STX11: variants seen among roughly 807,000 people sequenced by gnomAD.
STX11 encodes the protein syntaxin-11.
Under a neutral mutation model 19.9 loss-of-function variants are expected in STX11, and 21 were observed. The observed-to-expected ratio is 1.06, with a 90% CI of 0.75 to 1.52. The LOEUF (loss-of-function observed/expected upper bound fraction) is 1.52. Ranked by LOEUF, STX11 falls within the 40% of genes most tolerant of loss-of-function variation. STX11 has a pLI of 0.00. For synonymous variants in STX11, 193 were observed against 174.4 expected (o/e 1.11, Z -0.84); for missense variants, 438 against 405.9 (o/e 1.08, Z -0.68).
rs1486261657 is a variant in STX11 at position 144,174,797 on chromosome 6, T to C, written c.-5-11826T>C. On this transcript the variant is annotated intron_variant, in intron 1 of 1. Coordinates refer to ENST00000367568, the MANE Select transcript of STX11 (RefSeq NM_003764.4). This position sits in a 1 kb window ranked among gnomAD's most constrained non-coding sequence, Gnocchi z 5.3. ...TCACCACGTCATGGAAATAATCTAA[T>C]TGGTTGATGTATTCATGGTTCTGAT... 6.6e-6 allele frequency among the ~76,000 whole-genome samples: 1 copy of C among 152,122 alleles called. No individual in the cohort carries two copies. The highest frequency in any genetic ancestry group is 2.4e-5 in the African/African-American group (1 of 41,424).
Position 144,190,705 on chromosome 6 carries a change from C to T in STX11, c.*3214C>T, listed in dbSNP as rs11963744. Among the ~76,000 whole-genome samples, 89 of 152,132 alleles carry T rather than the reference C, an allele frequency of 5.9e-4. No homozygotes were observed. The highest frequency in any genetic ancestry group is 2.1e-3 in the African/African-American group (86 of 41,466). On this transcript the variant is annotated 3_prime_UTR_variant, in exon 2 of 2. Transcript: ENST00000367568. ...CCAAAAACACGTAAGCAGGAAGCAG[C>T]TGTTCTGCTCAGCTTGGCAGGTGTT...
chr6:144,188,570 A>G lies in STX11; in HGVS notation c.*1079A>G, dbSNP rs775450637. Among the ~76,000 whole-genome samples the G allele has an allele frequency of 1.3e-5, 2 of 152,224 alleles. No homozygotes were observed. Among genetic ancestry groups the G allele is most frequent in the Non-Finnish European group, 2.9e-5 (2 of 68,044 alleles). On this transcript the variant is annotated 3_prime_UTR_variant, in exon 2 of 2. Transcript: ENST00000367568. ...TACTGCTTTTGTTTTACTGTGGACC[A>G]TTCCTTCCATGCATTGAAATGGAGA...
chr6:144,140,229 TA>T, the STX11 span, among the ~76,000 whole-genome samples: 1 of 44,268 alleles, frequency 2.3e-5, no homozygotes, highest in African/African-American at 1.0e-4. Flanking sequence ...TATATATATA[TA>T]TATATATATA....
Position 144,186,932 on chromosome 6 carries a change from G to T in STX11, c.305G>T (p.Cys102Phe), listed in dbSNP as rs1232786044. 6.2e-7 allele frequency: 1 copy of T among 1,609,978 alleles called. No homozygotes were observed. The highest frequency in any genetic ancestry group is 1.1e-5 in the South Asian group (1 of 91,076). ...AIKARGEVIH[C>F]KLRAMKELSE... is the part of the protein sequence containing the mutation. ...AAGGCCCGGGGCGAGGTCATCCACT[G>T]CAAGCTGCGCGCCATGAAGGAGCTG... The change falls in exon 2 of 2, where the codon TGC becomes TTC. Residue 102 changes from cysteine (C) to phenylalanine (F), a missense_variant. Physicochemically the swap from Cys to Phe is radical, Grantham distance 205. Transcript: ENST00000367568.
Position 144,188,232 on chromosome 6 carries a change from A to G in STX11, c.*741A>G. ...ATTTTTCGCTGATAAAAATTATTTA[A>G]CATTTATATTTTTACTTGATTACAT... On this transcript the variant is annotated 3_prime_UTR_variant, in exon 2 of 2. Coordinates refer to ENST00000367568, the MANE Select transcript of STX11 (RefSeq NM_003764.4). 1 of 234,254 alleles carries G rather than the reference A, an allele frequency of 4.3e-6. No homozygotes were observed. The allele number at this position is 234,254 out of a possible 1,614,324, so 14.5% of individuals were successfully genotyped here. A position where few individuals can be genotyped will look rare whatever the true frequency, so the allele number is the denominator to read the frequency against.
intron 1 of STX11, among the ~76,000 whole-genome samples, chr6:144,163,240 C>A (rs1193050648): frequency 6.6e-6 from 1 of 152,096 alleles, no homozygotes; most frequent in African/African-American, 2.4e-5. Context: ...TCAGTCTTAC[C>A]TTCTGTCAAA....
In STX11 at chr6:144,150,570, G is replaced by A. The variant is rs903336252; in HGVS notation, c.-139G>A. 12 of 985,436 alleles carry A rather than the reference G, an allele frequency of 1.2e-5. No homozygotes were observed. The highest frequency in any genetic ancestry group is 1.4e-5 in the Non-Finnish European group (12 of 829,944). 61.0% of individuals were successfully genotyped at this position (985,436 alleles called of 1,614,324 possible). On this transcript the variant is annotated 5_prime_UTR_variant, in exon 1 of 2. Transcript: ENST00000367568. The stretch of plus-strand genomic sequence containing the variant: ...GGCGGCCGTGGAGGAACTCAGCCTC[G>A]GCCGCAGGAGGCGCCGGGAGCGGAG...
Position 144,155,940 on chromosome 6 carries a change from ATCTTTCTTTCTTTCTTTCTTTCTTTCTT to A in STX11, c.-6+5285_-6+5312del, listed in dbSNP as rs747288617. 2.1e-3 allele frequency among the ~76,000 whole-genome samples: 250 copies of A among 119,940 alleles called. 2 individuals carry two copies. Among genetic ancestry groups the A allele is most frequent in the South Asian group, 6.0e-3 (20 of 3,354 alleles). 78.7% of individuals were successfully genotyped at this position (119,940 alleles called of 152,430 possible). On this transcript the variant is annotated intron_variant, in intron 1 of 1. Transcript: ENST00000367568. The surrounding 1 kb of genome is among the most constrained non-coding windows in gnomAD (Gnocchi z 4.5). ...CTAATTAAATGTGTTTTAAAATTTA[ATCTTTCTTTCTTTCTTTCTTTCTTTCTT>A]TCTTTCTTTCTTTCTTTCTTTCTTT...
At position 144,187,003 on chromosome 6, in the gene STX11, C is replaced by T; in HGVS notation, c.376C>T (p.Arg126Cys). ...GCACGGCCCGCACTCGGCAGTGGCG[C>T]GCATTTCGCGGGCGCAGTACAACGC... ...AQHGPHSAVA[R>C]ISRAQYNALT... The change falls in exon 2 of 2, where the codon CGC becomes TGC. Residue 126 changes from arginine (R) to cysteine (C), a missense_variant. Coordinates refer to ENST00000367568, the MANE Select transcript of STX11 (RefSeq NM_003764.4). This position sits in a 1 kb window ranked among gnomAD's most constrained non-coding sequence, Gnocchi z 5.6. 6.2e-7 allele frequency: 1 copy of T among 1,610,584 alleles called. No homozygotes were observed. Among genetic ancestry groups the T allele is most frequent in the African/African-American group, 1.3e-5 (1 of 75,052 alleles).
In STX11 at chr6:144,155,960, T is replaced by A. The variant is rs796887914; in HGVS notation, c.-6+5257T>A. Reference sequence around the variant, plus strand: ...ATTTAATCTTTCTTTCTTTCTTTCTTTCTTTCTTTCTTTCTTTCTTTCTTT... The same window carrying A: ...ATTTAATCTTTCTTTCTTTCTTTCTATCTTTCTTTCTTTCTTTCTTTCTTT... On this transcript the variant is annotated intron_variant, in intron 1 of 1. Coordinates refer to ENST00000367568, the MANE Select transcript of STX11 (RefSeq NM_003764.4). This position sits in a 1 kb window ranked among gnomAD's most constrained non-coding sequence, Gnocchi z 4.5. 0.073 allele frequency among the ~76,000 whole-genome samples: 8,162 copies of A among 111,516 alleles called. 457 individuals carry two copies. Among genetic ancestry groups the A allele is most frequent in the Middle Eastern group, 0.13 (33 of 256 alleles). 73.2% of individuals were successfully genotyped at this position (111,516 alleles called of 152,430 possible).
chr6:144,187,350 C>T lies in STX11; in HGVS notation c.723C>T (p.Thr241=), dbSNP rs1802085310. ...MAVLVEKQAD[T]LNVIELNVQK... Reference sequence around the variant, plus strand: ...TGCTGGTGGAGAAGCAGGCCGACACCCTGAACGTCATCGAGCTCAACGTAC... The same window carrying T: ...TGCTGGTGGAGAAGCAGGCCGACACTCTGAACGTCATCGAGCTCAACGTAC... The change falls in exon 2 of 2, where the codon ACC becomes ACT. Residue 241 remains threonine (T), a synonymous_variant. Coordinates refer to ENST00000367568, the MANE Select transcript of STX11 (RefSeq NM_003764.4). This position sits in a 1 kb window ranked among gnomAD's most constrained non-coding sequence, Gnocchi z 5.6. The T allele has an allele frequency of 1.2e-6, 2 of 1,610,398 alleles. No individual in the cohort carries two copies. The highest frequency in any genetic ancestry group is 8.5e-7 in the Non-Finnish European group (1 of 1,179,972).
At chr6:144,171,211 T>C (rs1011682763) in intron 1 of STX11, among the ~76,000 whole-genome samples, 9 of 152,230 alleles carry the variant, frequency 5.9e-5, no homozygotes, top group Non-Finnish European at 1.2e-4. Context: ...CCTGAGTAGA[T>C]GTGGAGTTCT....
rs1801768119 is a variant in STX11, at chr6:144,175,977, C to A, written c.-5-10646C>A. Among the ~76,000 whole-genome samples the A allele has an allele frequency of 6.6e-6, 1 of 152,184 alleles. No homozygotes were observed. Among genetic ancestry groups the A allele is most frequent in the African/African-American group, 2.4e-5 (1 of 41,428 alleles). On this transcript the variant is annotated intron_variant, in intron 1 of 1. Transcript: ENST00000367568. This position sits in a 1 kb window ranked among gnomAD's most constrained non-coding sequence, Gnocchi z 5.1. The stretch of plus-strand genomic sequence containing the variant: ...CCCTGGCCACAGCTGATTTCACCCA[C>A]CCCACCCAGGGGTAGTGCAGAGACA...
intron 1 of STX11, among the ~76,000 whole-genome samples, chr6:144,163,595 C>T (rs566674199): frequency 9.2e-5 from 14 of 152,256 alleles, no homozygotes; most frequent in African/African-American, 1.7e-4. Context: ...CTCCCTGCCT[C>T]TGCCTCCCAA....
At chr6:144,140,695 G>C in the STX11 span, 1 of 935,978 alleles carries the variant, frequency 1.1e-6, no homozygotes, top group Non-Finnish European at 1.3e-6. Context: ...AGAAGGAATG[G>C]GTCCATCTGA....
intron 1 of STX11, among the ~76,000 whole-genome samples, chr6:144,173,543 C>T (rs1021253135): frequency 6.6e-6 from 1 of 152,196 alleles, no homozygotes; most frequent in Non-Finnish European, 1.5e-5. Flanking sequence ...TCTATTTTCT[C>T]TAAATAATGC....
intron 1 of STX11, among the ~76,000 whole-genome samples, chr6:144,168,424 C>T (rs1330694263): frequency 6.6e-6 from 1 of 152,182 alleles, no homozygotes; most frequent in Non-Finnish European, 1.5e-5. Context: ...TTCCTTGTCA[C>T]TATTATCACA....
chr6:144,156,335 A>G (rs1174002732), intron 1 of STX11, among the ~76,000 whole-genome samples: 1 of 152,086 alleles, frequency 6.6e-6, no homozygotes, highest in Non-Finnish European at 1.5e-5. Context: ...GAGTGCTGGG[A>G]TTATAGGCGT....
intron 1 of STX11, among the ~76,000 whole-genome samples, chr6:144,185,369 C>A (rs1802000356): frequency 6.6e-6 from 1 of 152,226 alleles, no homozygotes; most frequent in Non-Finnish European, 1.5e-5. Flanking sequence ...CTTTTCCCCT[C>A]TTTGCTGCAA....
Sources: gnomAD v4.1 joint callset for allele counts (sites outside exome capture counted in the v4.1 genomes callset) on GRCh38, gnomAD v4.1.1 for gene constraint, Gnocchi (gnomAD v3.1) non-coding constraint, MANE v1.5 for transcripts, NCBI Gene and HGNC (gene_info 2026-07-23, HGNC 2026-07-21) for gene names.